SKIC3: variants seen among roughly 807,000 people sequenced by gnomAD.
SKIC3 encodes superkiller complex protein 3.
the SKIC3 span, among the ~76,000 whole-genome samples, chr5:95,524,077 T>C: frequency 2.0e-5 from 3 of 152,266 alleles, no homozygotes; most frequent in South Asian, 6.2e-4. Context: ...AAATGTGAAA[T>C]TAGAGCTGCT....
chr5:95,523,300 T>C, the SKIC3 span: 1 of 1,613,762 alleles, frequency 6.2e-7, no homozygotes, highest in Non-Finnish European at 8.5e-7. Context: ...TTTGAGTTAC[T>C]GTTGTTAGGA....
the SKIC3 span, chr5:95,503,741 C>T: frequency 6.2e-7 from 1 of 1,600,302 alleles, no homozygotes; most frequent in South Asian, 1.1e-5. Context: ...ATTATTACAT[C>T]TTTCTGTATG....
chr5:95,493,372 G>C, the SKIC3 span, among the ~76,000 whole-genome samples: 12 of 151,994 alleles, frequency 7.9e-5, no homozygotes, highest in Non-Finnish European at 1.8e-4. Flanking sequence ...ACCTAATCTG[G>C]GCAATCTCAC....
At chr5:95,512,941 T>A in the SKIC3 span, 1 of 305,820 alleles carries the variant, frequency 3.3e-6, no homozygotes, top group African/African-American at 2.2e-5. Flanking sequence ...TTCTACAACA[T>A]TTTCATAAAT....
the SKIC3 span, among the ~76,000 whole-genome samples, chr5:95,550,954 A>T: frequency 6.6e-6 from 1 of 152,046 alleles, no homozygotes; most frequent in Admixed American, 6.6e-5. Flanking sequence ...ATGTCAATAT[A>T]AAAAAATAGA....
At chr5:95,506,914 T>A in the SKIC3 span, 7 of 1,611,668 alleles carry the variant, frequency 4.3e-6, no homozygotes, top group African/African-American at 9.4e-5. Context: ...ACAGAATTAA[T>A]GGAGAAAAAA....
chr5:95,525,027 G>A, the SKIC3 span, among the ~76,000 whole-genome samples: 1 of 152,104 alleles, frequency 6.6e-6, no homozygotes, highest in Admixed American at 6.6e-5. Flanking sequence ...GGGACTACAG[G>A]CATGTGCCAC....
the SKIC3 span, chr5:95,516,278 A>G: frequency 1.3e-6 from 2 of 1,500,770 alleles, no homozygotes; most frequent in Non-Finnish European, 9.2e-7. Context: ...CTCCACAAGA[A>G]GCTGAGCTAT....
At chr5:95,533,325 C>T in the SKIC3 span, among the ~76,000 whole-genome samples, 1 of 152,098 alleles carries the variant, frequency 6.6e-6, no homozygotes, top group Non-Finnish European at 1.5e-5. Flanking sequence ...TGATTAACTG[C>T]TGTGAAGTAG....
At chr5:95,498,145 CCTGA>C in the SKIC3 span, among the ~76,000 whole-genome samples, 88 of 152,138 alleles carry the variant, frequency 5.8e-4, no homozygotes, top group East Asian at 3.9e-3. Context: ...TGGGCCTTAA[CCTGA>C]CTAAGGGCCA....
chr5:95,522,149 G>A, the SKIC3 span: 8 of 1,613,702 alleles, frequency 5.0e-6, no homozygotes, highest in Non-Finnish European at 5.1e-6. Context: ...CTGTATTGCT[G>A]CAACCTTAAA....
the SKIC3 span, chr5:95,494,988 A>C: frequency 1.2e-6 from 2 of 1,613,858 alleles, 1 homozygote; most frequent in South Asian, 2.2e-5. Flanking sequence ...AGTCCAGAAT[A>C]TGAGCCACAT....
At chr5:95,548,529 T>C in the SKIC3 span, 1 of 152,040 alleles carries the variant, frequency 6.6e-6, no homozygotes. Flanking sequence ...AAGCACCATA[T>C]TTCATATGTT....
chr5:95,476,248 A>G, the SKIC3 span, among the ~76,000 whole-genome samples: 1 of 152,162 alleles, frequency 6.6e-6, no homozygotes. Context: ...TGAATGCCGC[A>G]GCCCTGGGGG....
the SKIC3 span, chr5:95,540,692 A>G: frequency 2.2e-5 from 36 of 1,613,906 alleles, no homozygotes; most frequent in Admixed American, 2.5e-4. Flanking sequence ...GTCAATACCA[A>G]TTGCTGAGTT....
chr5:95,524,544 T>C, the SKIC3 span: 6 of 1,613,740 alleles, frequency 3.7e-6, no homozygotes, highest in Non-Finnish European at 5.1e-6. Context: ...TCCAAGTTGG[T>C]AATGATATTC....
chr5:95,484,906 G>C, the SKIC3 span: 1 of 1,572,018 alleles, frequency 6.4e-7, no homozygotes, highest in Non-Finnish European at 8.7e-7. Context: ...TCTTAGAGGA[G>C]TAACTGGTTG....
the SKIC3 span, among the ~76,000 whole-genome samples, chr5:95,475,277 T>C: frequency 6.6e-6 from 1 of 152,172 alleles, no homozygotes; most frequent in East Asian, 1.9e-4. Flanking sequence ...CACGTTGAAC[T>C]GTAATCCCCA....
the SKIC3 span, among the ~76,000 whole-genome samples, chr5:95,520,377 C>G: frequency 3.3e-5 from 5 of 150,880 alleles, no homozygotes; most frequent in African/African-American, 1.2e-4. Context: ...ATTTCCCAAT[C>G]GGTTCCAATT....
Sources: gnomAD v4.1 joint callset for allele counts (sites outside exome capture counted in the v4.1 genomes callset) on GRCh38, gnomAD v4.1.1 for gene constraint, MANE v1.5 for transcripts, NCBI Gene and HGNC (gene_info 2026-07-23, HGNC 2026-07-21) for gene names.